SP110: variants seen among roughly 807,000 people sequenced by gnomAD.
The protein encoded by SP110 is interferon-induced protein 41, 30kD.
Under a neutral mutation model 92.7 loss-of-function variants are expected in SP110, and 62 were observed. The ratio of observed to expected loss-of-function variants is 0.67; its 90% confidence interval spans 0.55 to 0.83. The LOEUF (loss-of-function observed/expected upper bound fraction) is 0.83, where lower values mean the gene tolerates loss of function less well. Among genes scored for constraint, SP110 ranks in the 40% least tolerant of loss-of-function variants. SP110 has a pLI of 0.00. For missense variants in SP110, 793 were observed against 863.9 expected, an observed-to-expected ratio of 0.92 and a Z score of 1.03; for synonymous variants, 273 against 305.3, an observed-to-expected ratio of 0.89 and a Z score of 1.10.
intron 8 of SP110, 196 bp from the exon 9 acceptor site, chr2:230,202,924 C>G: frequency 3.3e-6 from 2 of 612,074 alleles, no homozygotes; most frequent in Admixed American, 5.5e-5. Flanking sequence ...TTTGCCTCCC[C>G]AAATTACCAT....
At chr2:230,176,093 G>A (rs1056395232) in intron 14 of SP110, among the ~76,000 whole-genome samples, 1 of 151,670 alleles carries the variant, frequency 6.6e-6, no homozygotes, top group Non-Finnish European at 1.5e-5. Context: ...ACAGGTGCAT[G>A]CCACCATGCC....
intron 10 of SP110, among the ~76,000 whole-genome samples, chr2:230,195,482 G>GCACC (rs2042830021): frequency 6.6e-6 from 1 of 152,008 alleles, no homozygotes; most frequent in Non-Finnish European, 1.5e-5. Context: ...TAACAGGTAT[G>GCACC]CACCCCCAGG....
intron 1 of SP110, among the ~76,000 whole-genome samples, chr2:230,219,089 G>A (rs1340285674): frequency 1.3e-5 from 2 of 152,190 alleles, no homozygotes; most frequent in Non-Finnish European, 2.9e-5. Flanking sequence ...GCTGGGCGTG[G>A]TGGTGCACAT....
rs74697801 is a variant in SP110 at position 230,186,615 on chromosome 2, T to C, written c.1130-472A>G. ...TTTAGTGCACTCTTCGTCTGAGTAGTGTACATTGTACCCAATACATAGGTT... is the reference window on the plus strand; with the variant it reads ...TTTAGTGCACTCTTCGTCTGAGTAGCGTACATTGTACCCAATACATAGGTT... On this transcript the variant is annotated intron_variant, in intron 10 of 18. Transcript: ENST00000258381. Among the ~76,000 whole-genome samples the C allele has an allele frequency of 7.5e-3, 1,135 of 152,316 alleles. 5 individuals carry two copies. The highest frequency in any genetic ancestry group is 0.024 in the Middle Eastern group (7 of 294).
chr2:230,201,929 T>C (rs953917487), intron 9 of SP110, among the ~76,000 whole-genome samples: 3 of 152,240 alleles, frequency 2.0e-5, no homozygotes, highest in Non-Finnish European at 4.4e-5. Flanking sequence ...CAAAAGACTG[T>C]TAAATTACCT....
intron 10 of SP110, among the ~76,000 whole-genome samples, chr2:230,190,327 T>C (rs924758752): frequency 4.3e-5 from 6 of 139,970 alleles, no homozygotes; most frequent in South Asian, 4.8e-4. Context: ...TTTTTCCATA[T>C]GTTTGTTGGC....
intron 10 of SP110, among the ~76,000 whole-genome samples, chr2:230,190,092 T>C (rs1285642597): frequency 6.6e-6 from 1 of 152,224 alleles, no homozygotes; most frequent in Non-Finnish European, 1.5e-5. Context: ...CTGTGTCAAA[T>C]GGTATTTCTG....
In SP110 at chr2:230,170,758, GA is replaced by G; in HGVS notation, c.1890del (p.Arg631GlufsTer20). On this transcript the variant is annotated frameshift_variant and splice_region_variant, in exon 18 of 19. Coordinates refer to ENST00000258381, the MANE Select transcript of SP110 (RefSeq NM_080424.4). LOFTEE classifies it high-confidence loss of function. ...TCCTGAAAGGGCTCACCGTAATCTC[GA>G]ATCTTGGGGACAAAGCCACCAGAGG... ...SSFFTGIPFN[I>X]RDYGEPFQEA... is the part of the protein sequence containing the mutation. The G allele has an allele frequency of 1.2e-6, 2 of 1,613,940 alleles. No homozygotes were observed. The highest frequency in any genetic ancestry group is 1.7e-6 in the Non-Finnish European group (2 of 1,180,002).
At chr2:230,186,279 A>G in intron 10 of SP110, 136 bp from the exon 11 acceptor site, 2 of 797,558 alleles carry the variant, frequency 2.5e-6, no homozygotes, top group Non-Finnish European at 4.0e-6. Flanking sequence ...CCCCAGACTC[A>G]TAATACTTCC....
In SP110 at chr2:230,167,105, C is replaced by CT. The variant is rs34396036; in HGVS notation, c.*2018dup. The CT allele has an allele frequency of 0.099, 11,856 of 119,196 alleles. 761 individuals are homozygous for CT. The highest frequency in any genetic ancestry group is 0.12 in the Non-Finnish European group (6,855 of 57,402). The allele number at this position is 119,196 out of a possible 1,614,324, so 7.4% of individuals were successfully genotyped here. A position where few individuals can be genotyped will look rare whatever the true frequency, so the allele number is the denominator to read the frequency against. On this transcript the variant is annotated 3_prime_UTR_variant, in exon 19 of 19. Transcript: ENST00000258381. ...GAGCCTATTTCTTTTGTTTTCTTTC[C>CT]TTTTTTTTTTTTTTTTTTTGAGGCA...
chr2:230,178,796 A>C (rs2041983600), intron 12 of SP110, among the ~76,000 whole-genome samples: 1 of 152,190 alleles, frequency 6.6e-6, no homozygotes, highest in Non-Finnish European at 1.5e-5. Context: ...AGAGCTTTGA[A>C]CTAATTTCCC....
chr2:230,184,303 A>G (rs2148736914), intron 11 of SP110, among the ~76,000 whole-genome samples: 1 of 152,352 alleles, frequency 6.6e-6, no homozygotes, highest in Admixed American at 6.5e-5. Context: ...AATATCACAT[A>G]GGAAGGGCTT....
intron 10 of SP110, among the ~76,000 whole-genome samples, chr2:230,187,474 A>G (rs2042409622): frequency 6.6e-6 from 1 of 152,080 alleles, no homozygotes; most frequent in Admixed American, 6.5e-5. Flanking sequence ...TTCCTTTGCT[A>G]CGAAGAAGCG....
intron 16 of SP110, 63 bp downstream of exon 16, chr2:230,171,991 CCCTGACCCTGTG>C (rs1484432753): frequency 5.2e-6 from 5 of 958,754 alleles, no homozygotes; most frequent in African/African-American, 1.6e-5. Flanking sequence ...TGGTACATTG[CCCTGACCCTGTG>C]CCTGTTTGTG....
intron 3 of SP110, among the ~76,000 whole-genome samples, chr2:230,213,248 GC>G: frequency 6.6e-6 from 1 of 152,244 alleles, no homozygotes; most frequent in East Asian, 1.9e-4. Flanking sequence ...GTGCATCTAA[GC>G]CCTGATCTAA....
intron 10 of SP110, among the ~76,000 whole-genome samples, chr2:230,192,230 A>T (rs2042667268): frequency 6.6e-6 from 1 of 152,250 alleles, no homozygotes; most frequent in Admixed American, 6.5e-5. Flanking sequence ...AGTACAAGAC[A>T]AGGATGCCCT....
chr2:230,186,505 T>C (rs1053956060), intron 10 of SP110, among the ~76,000 whole-genome samples: 12 of 152,250 alleles, frequency 7.9e-5, no homozygotes, highest in Admixed American at 5.9e-4. Flanking sequence ...ATTTTTCTTT[T>C]TAATTTGTTT....
intron 1 of SP110, among the ~76,000 whole-genome samples, chr2:230,217,409 G>T (rs13389060): frequency 0.15 from 22,560 of 152,016 alleles, 1,825 homozygotes; most frequent in African/African-American, 0.2. Context: ...TAGGAAACAA[G>T]GACAATTCCC....
At chr2:230,172,248 T>A in intron 15 of SP110, 74 bp from the exon 16 acceptor site, 1 of 951,450 alleles carries the variant, frequency 1.1e-6, no homozygotes, top group Non-Finnish European at 1.7e-6. Flanking sequence ...GCTGCCACTG[T>A]CTTCCCTCAG....
Sources: allele counts gnomAD v4.1 joint callset (sites outside exome capture counted in the v4.1 genomes callset), GRCh38; gene constraint gnomAD v4.1.1; transcripts MANE v1.5; gene names NCBI Gene and HGNC (gene_info 2026-07-23, HGNC 2026-07-21).